Variants in PLCG2 observed in about 807,000 individuals in gnomAD.
The protein encoded by PLCG2 is 1-phosphatidylinositol 4,5-bisphosphate phosphodiesterase gamma-2.
In PLCG2, 69 loss-of-function variants were observed where a neutral mutation model predicts 175.6. The ratio of observed to expected loss-of-function variants is 0.39; its 90% CI spans 0.32 to 0.48. The LOEUF (loss-of-function observed/expected upper bound fraction) is 0.48, where lower values mean the gene tolerates loss of function less well. Among genes scored for constraint, PLCG2 ranks in the 20% least tolerant of loss-of-function variants. The pLI is 0.91. For missense variants in PLCG2, 1,798 were observed against 1,650.9 expected, an observed-to-expected ratio of 1.09 and a Z score of -1.54; for synonymous variants, 827 against 624.0, an observed-to-expected ratio of 1.33 and a Z score of -4.85.
chr16:81,949,778 G>A (rs1215128809), intron 31 of PLCG2, among the ~76,000 whole-genome samples: 2 of 152,040 alleles, frequency 1.3e-5, no homozygotes, highest in East Asian at 3.9e-4. Context: ...AATATACCAT[G>A]ATAAAAAATG....
At chr16:81,867,882 G>A (rs1907322096) in intron 5 of PLCG2, among the ~76,000 whole-genome samples, 1 of 152,070 alleles carries the variant, frequency 6.6e-6, no homozygotes, top group South Asian at 2.1e-4. Context: ...TGTATTTTTA[G>A]TAGAGACGGG....
intron 2 of PLCG2, among the ~76,000 whole-genome samples, chr16:81,843,604 G>A (rs370035331): frequency 2.0e-5 from 3 of 152,168 alleles, no homozygotes; most frequent in African/African-American, 7.2e-5. Context: ...CAATTTTTGG[G>A]TGCTTTGATG....
At chr16:81,749,935 G>C (rs557182367) in intron 1 of PLCG2, among the ~76,000 whole-genome samples, 1 of 152,214 alleles carries the variant, frequency 6.6e-6, no homozygotes, top group East Asian at 1.9e-4. Context: ...GCGGCGGAAT[G>C]CAAGGTACCA....
intron 24 of PLCG2, among the ~76,000 whole-genome samples, chr16:81,929,144 C>G (rs1910397399): frequency 6.6e-6 from 1 of 152,184 alleles, no homozygotes; most frequent in South Asian, 2.1e-4. Context: ...AGGCGTGGCC[C>G]CAAGGCTAGG....
intron 22 of PLCG2, among the ~76,000 whole-genome samples, chr16:81,926,003 GA>G (rs1597136572): frequency 6.6e-6 from 1 of 152,208 alleles, no homozygotes; most frequent in East Asian, 1.9e-4. Flanking sequence ...GATGCCAGGG[GA>G]CCACAGAGGA....
chr16:81,892,686 C>T (rs1908692536), intron 11 of PLCG2, among the ~76,000 whole-genome samples: 2 of 151,958 alleles, frequency 1.3e-5, no homozygotes, highest in South Asian at 2.1e-4. Context: ...TTCAGAGGTA[C>T]ATGTGCAGGT....
intron 2 of PLCG2, among the ~76,000 whole-genome samples, chr16:81,763,566 C>T (rs1439534556): frequency 6.6e-6 from 1 of 152,250 alleles, no homozygotes. Flanking sequence ...GTCAGGGTAG[C>T]TGGTCTTCTA....
chr16:81,829,175 C>G (rs540362916), intron 2 of PLCG2, among the ~76,000 whole-genome samples: 12 of 152,156 alleles, frequency 7.9e-5, no homozygotes, highest in Non-Finnish European at 1.5e-4. Context: ...GTGGCACGAT[C>G]TCGGCTCACT....
intron 15 of PLCG2, among the ~76,000 whole-genome samples, chr16:81,907,135 G>A (rs996982184): frequency 1.5e-4 from 23 of 150,456 alleles, no homozygotes; most frequent in African/African-American, 5.6e-4. Context: ...AGAACTTAAA[G>A]TATAATAAAA....
At chr16:81,819,615 C>T (rs570554031) in intron 2 of PLCG2, among the ~76,000 whole-genome samples, 3 of 152,318 alleles carry the variant, frequency 2.0e-5, no homozygotes, top group African/African-American at 4.8e-5. Flanking sequence ...GACCAAGCTT[C>T]GCTCTTTCGC....
At chr16:81,802,681 C>T (rs1483779701) in intron 2 of PLCG2, among the ~76,000 whole-genome samples, 1 of 152,052 alleles carries the variant, frequency 6.6e-6, no homozygotes, top group East Asian at 1.9e-4. Context: ...AAGCAATTCT[C>T]ATGCCTCAGC....
intron 30 of PLCG2, among the ~76,000 whole-genome samples, chr16:81,943,074 C>T (rs1168266592): frequency 6.6e-6 from 1 of 152,166 alleles, no homozygotes; most frequent in Non-Finnish European, 1.5e-5. Context: ...TAGTACTGTC[C>T]AGCCTGGAAC....
At chr16:81,785,743 C>T in intron 1 of PLCG2, 200 bp from the exon 2 acceptor site, 1 of 413,980 alleles carries the variant, frequency 2.4e-6, no homozygotes, top group South Asian at 3.1e-5. Context: ...AGGGGCTCTT[C>T]TCACACTTCA....
chr16:81,811,040 A>C (rs11150414), intron 2 of PLCG2, among the ~76,000 whole-genome samples: 2 of 152,054 alleles, frequency 1.3e-5, no homozygotes, highest in African/African-American at 4.8e-5. Flanking sequence ...CTAAGGCCAC[A>C]TTTAACCTGT....
At chr16:81,902,215 G>A (rs1909181408) in intron 14 of PLCG2, among the ~76,000 whole-genome samples, 1 of 152,226 alleles carries the variant, frequency 6.6e-6, no homozygotes, top group African/African-American at 2.4e-5. Flanking sequence ...AGGAGCGAGT[G>A]TGAATTTTGT....
At chr16:81,934,638 C>G in intron 26 of PLCG2, 107 bp downstream of exon 26, 2 of 737,898 alleles carry the variant, frequency 2.7e-6, no homozygotes, top group South Asian at 1.6e-5. Context: ...TCATTCTTAA[C>G]TACTCCCAGT....
rs779487061 is a variant in PLCG2 at position 81,919,636 on chromosome 16, C to T, written c.2207C>T (p.Thr736Ile). The change falls in exon 20 of 33, where the codon ACC becomes ATC. Residue 736 changes from threonine to isoleucine, a missense_variant. Coordinates refer to ENST00000564138, the MANE Select transcript of PLCG2 (RefSeq NM_002661.5). ...YRKMRLRYPV[T>I]PELLERYNME... is the part of the protein sequence containing the mutation. ...AAGATGAGACTGCGCTACCCCGTGA[C>T]CCCCGAGCTCCTGGAGCGCTACAAT... 2.4e-5 allele frequency: 39 copies of T among 1,613,968 alleles called. No homozygotes were observed. The South Asian group carries it at 3.0e-4, about 12-fold the overall frequency.
intron 2 of PLCG2, among the ~76,000 whole-genome samples, chr16:81,838,527 C>T (rs1905644415): frequency 6.6e-6 from 1 of 152,032 alleles, no homozygotes; most frequent in South Asian, 2.1e-4. Flanking sequence ...CCAAACGCCG[C>T]ATGTTCTCAC....
At chr16:81,867,901 G>A (rs566769679) in intron 5 of PLCG2, among the ~76,000 whole-genome samples, 4 of 152,124 alleles carry the variant, frequency 2.6e-5, no homozygotes, top group Middle Eastern at 3.4e-3. Flanking sequence ...GGGTTTCACC[G>A]TGTTAGCCAG....
Sources: allele counts gnomAD v4.1 joint callset (sites outside exome capture counted in the v4.1 genomes callset), GRCh38; gene constraint gnomAD v4.1.1; transcripts MANE v1.5; gene names NCBI Gene and HGNC (gene_info 2026-07-23, HGNC 2026-07-21).